Variants in CSMD1 observed in about 807,000 individuals in gnomAD.
CSMD1 encodes CUB and Sushi multiple domains 1.
A neutral mutation model predicts 417.5 loss-of-function variants in CSMD1; 213 were observed. That is an observed-to-expected ratio of 0.51 (90% CI 0.46 to 0.57). The LOEUF (loss-of-function observed/expected upper bound fraction) is 0.57. Among genes scored for constraint, CSMD1 ranks in the 20% least tolerant of loss-of-function variants. CSMD1 has a pLI of 0.00. For synonymous variants in CSMD1, 2,862 were observed against 1,736.8 expected, an observed-to-expected ratio of 1.65 and a Z score of -16.11; for missense variants, 6,923 against 4,529.7, an observed-to-expected ratio of 1.53 and a Z score of -15.17.
At chr8:3,521,430 C>G (rs958839152) in intron 10 of CSMD1, among the ~76,000 whole-genome samples, 1 of 152,190 alleles carries the variant, frequency 6.6e-6, no homozygotes, top group African/African-American at 2.4e-5. Context: ...CCTCCTTGAG[C>G]AAGCTAGGAA....
In CSMD1 at chr8:4,419,856, C is replaced by A. The variant is rs148618354; in HGVS notation, c.415+97G>T. On this transcript the variant is annotated intron_variant, in intron 3 of 69. Transcript: ENST00000635120. ...AATGTCTACACCACGGAACGACCTG[C>A]GACATAGCAGCCTAGTTTGTCATTA... 99 of 840,478 alleles carry A rather than the reference C, an allele frequency of 1.2e-4. 1 individual carries two copies. The African/African-American group carries it at 1.6e-3, about 13-fold the overall frequency. 52.1% of individuals were successfully genotyped at this position (840,478 alleles called of 1,614,324 possible).
At chr8:4,354,965 T>C (rs1046484074) in intron 3 of CSMD1, among the ~76,000 whole-genome samples, 1 of 150,710 alleles carries the variant, frequency 6.6e-6, no homozygotes, top group African/African-American at 2.4e-5. Flanking sequence ...CCCAAACCCA[T>C]GTTTAGATCT....
intron 2 of CSMD1, among the ~76,000 whole-genome samples, chr8:4,548,492 C>T (rs976766072): frequency 2.6e-5 from 4 of 151,886 alleles, no homozygotes; most frequent in Non-Finnish European, 4.4e-5. Context: ...AGACATAAGC[C>T]CTCAGAATGA....
At chr8:3,982,197 A>AATATTAAT (rs199836458) in intron 5 of CSMD1, among the ~76,000 whole-genome samples, 3,838 of 105,370 alleles carry the variant, frequency 0.036, 72 homozygotes, top group Non-Finnish European at 0.053. Context: ...TAATATTAAT[A>AATATTAAT]AAAAAAATAA....
rs926586966 is a variant in CSMD1 at position 4,019,929 on chromosome 8, AAAC to A, written c.610+11973_610+11975del. Among the ~76,000 whole-genome samples, 10 of 138,474 alleles carry A rather than the reference AAAC, an allele frequency of 7.2e-5. No individual in the cohort carries two copies. The South Asian group carries it at 1.0e-3, about 14-fold the overall frequency. The allele number at this position is 138,474 out of a possible 152,430, so 90.8% of individuals were successfully genotyped here. On this transcript the variant is annotated intron_variant, in intron 4 of 69. Transcript: ENST00000635120. ...AGTAATTCATTAAAAAAAAAAAAAA[AAAC>A]CCTTTTTTTTAAGAGCTACCAATAT...
At chr8:3,731,169 T>C (rs762744081) in intron 6 of CSMD1, among the ~76,000 whole-genome samples, 1 of 152,184 alleles carries the variant, frequency 6.6e-6, no homozygotes, top group Non-Finnish European at 1.5e-5. Context: ...AACACTTCCA[T>C]CATTCCAAAG....
intron 2 of CSMD1, among the ~76,000 whole-genome samples, chr8:4,464,744 G>A (rs1179115614): frequency 3.3e-5 from 5 of 152,248 alleles, no homozygotes; most frequent in Middle Eastern, 3.4e-3. Context: ...ATCAGCATCC[G>A]TTGCTTTAAG....
chr8:3,209,998 C>A (rs772869918), intron 30 of CSMD1, among the ~76,000 whole-genome samples: 3 of 152,134 alleles, frequency 2.0e-5, no homozygotes, highest in Admixed American at 6.5e-5. Flanking sequence ...CTTCAATAAG[C>A]AAAATTTGTA....
chr8:4,235,828 G>C (rs1225821121), intron 3 of CSMD1, among the ~76,000 whole-genome samples: 1 of 152,138 alleles, frequency 6.6e-6, no homozygotes, highest in Non-Finnish European at 1.5e-5. Context: ...AGAACACTCA[G>C]AGGAGAGGAG....
intron 25 of CSMD1, among the ~76,000 whole-genome samples, chr8:3,300,812 A>T (rs1024740339): frequency 4.0e-5 from 6 of 151,136 alleles, no homozygotes; most frequent in African/African-American, 1.5e-4. Flanking sequence ...AAAAAAAATT[A>T]GCTGGGTGTG....
chr8:3,179,640 C>T (rs1271715952), intron 37 of CSMD1, among the ~76,000 whole-genome samples: 1 of 152,092 alleles, frequency 6.6e-6, no homozygotes, highest in African/African-American at 2.4e-5. Flanking sequence ...AATAAAAACC[C>T]AGATGCTACA....
At chr8:3,312,931 G>A (rs1338520423) in intron 23 of CSMD1, among the ~76,000 whole-genome samples, 1 of 152,156 alleles carries the variant, frequency 6.6e-6, no homozygotes, top group African/African-American at 2.4e-5. Flanking sequence ...CATTTCAATT[G>A]AGCTTTACTT....
At chr8:4,437,987 C>G (rs555660639) in intron 2 of CSMD1, among the ~76,000 whole-genome samples, 1 of 152,132 alleles carries the variant, frequency 6.6e-6, no homozygotes, top group Non-Finnish European at 1.5e-5. Flanking sequence ...GACAGAAACC[C>G]AATAAAGTGG....
chr8:4,060,318 C>G (rs928655609), intron 3 of CSMD1, among the ~76,000 whole-genome samples: 17 of 152,190 alleles, frequency 1.1e-4, no homozygotes, highest in Non-Finnish European at 2.1e-4. Flanking sequence ...TTATCTATGA[C>G]AAACCCACAG....
At chr8:3,707,076 C>G (rs1276171771) in intron 7 of CSMD1, among the ~76,000 whole-genome samples, 1 of 152,044 alleles carries the variant, frequency 6.6e-6, no homozygotes, top group South Asian at 2.1e-4. Flanking sequence ...CCTCTGAGGC[C>G]CAGGGGACAT....
At chr8:3,381,107 C>G (rs10103278) in intron 18 of CSMD1, among the ~76,000 whole-genome samples, 127,324 of 152,064 alleles carry the variant, frequency 0.84, 53,581 homozygotes, top group African/African-American at 0.92. Context: ...CAAGAGCATA[C>G]GTAATTCAAT....
chr8:4,760,408 T>C (rs1287738504), intron 1 of CSMD1, among the ~76,000 whole-genome samples: 2 of 152,200 alleles, frequency 1.3e-5, no homozygotes, highest in Non-Finnish European at 2.9e-5. Flanking sequence ...CAGCTGACTT[T>C]ATGATACCTT....
At chr8:4,418,943 G>A (rs564587504) in intron 3 of CSMD1, among the ~76,000 whole-genome samples, 19 of 152,160 alleles carry the variant, frequency 1.2e-4, no homozygotes, top group East Asian at 3.9e-4. Context: ...AGGATAAGTC[G>A]GTCCATTCCT....
In CSMD1 at chr8:3,136,254, CT is replaced by C. The variant is rs1158324400; in HGVS notation, c.6241+6210del. Among the ~76,000 whole-genome samples, 1,260 of 129,346 alleles carry C rather than the reference CT, an allele frequency of 9.7e-3. 5 individuals carry two copies. The highest frequency in any genetic ancestry group is 0.027 in the African/African-American group (945 of 34,420). The allele number at this position is 129,346 out of a possible 152,430, so 84.9% of individuals were successfully genotyped here. On this transcript the variant is annotated intron_variant, in intron 41 of 69. Transcript: ENST00000635120. ...GAGGACAACCAAGCCTTTTTTTTTT[CT>C]TTTTTTTTTTTTGCCCCCCGAGATA...
Sources: allele counts gnomAD v4.1 joint callset (sites outside exome capture counted in the v4.1 genomes callset), GRCh38; gene constraint gnomAD v4.1.1; transcripts MANE v1.5; gene names NCBI Gene and HGNC (gene_info 2026-07-23, HGNC 2026-07-21).